ASB14: variants seen among roughly 807,000 people sequenced by gnomAD.
ASB14 encodes the protein ankyrin repeat and SOCS box containing 14.
ASB14 carries 63 observed loss-of-function variants against 55.6 expected under a neutral mutation model. That is an observed-to-expected ratio of 1.13 (90% CI 0.92 to 1.40). The LOEUF is 1.40. Ranked by LOEUF, ASB14 falls within the 40% of genes most tolerant of loss-of-function variation. ASB14 has a pLI of 0.00. For missense variants in ASB14, 724 were observed against 710.4 expected, an observed-to-expected ratio of 1.02 and a Z score of -0.22; for synonymous variants, 256 against 259.9, an observed-to-expected ratio of 0.98 and a Z score of 0.15.
chr3:57,277,972 C>A (rs1161711739), intron 8 of ASB14, 52 bp from the exon 9 acceptor site: 1 of 1,523,726 alleles, frequency 6.6e-7, no homozygotes, highest in Non-Finnish European at 9.0e-7. Flanking sequence ...CACAAAGTAT[C>A]TATGGTTTAG....
chr3:57,269,695 CT>C, intron 10 of ASB14, 77 bp from the exon 11 acceptor site: 1 of 1,613,220 alleles, frequency 6.2e-7, no homozygotes, highest in Non-Finnish European at 8.5e-7. Flanking sequence ...TAAGCTTATA[CT>C]TTTGGTAGAT....
chr3:57,278,434 T>C lies in ASB14; in HGVS notation c.1374A>G (p.Lys458=). ...ERCFDCPHGD[K]VHPSYTVEGW... ...CTTCAACAGTATAGGAAGGATGGAC[T>C]TTGTCTCCATGTGGGCAATCAAAAC... The change falls in exon 8 of 11, where the codon AAA becomes AAG. Residue 458 remains lysine (K), a synonymous_variant. Coordinates refer to ENST00000487349, the MANE Select transcript of ASB14 (RefSeq NM_001142733.3). 6.2e-7 allele frequency: 1 copy of C among 1,614,214 alleles called. No individual in the cohort carries two copies.
chr3:57,276,084 G>T (rs1176324772), intron 10 of ASB14, among the ~76,000 whole-genome samples: 2 of 152,026 alleles, frequency 1.3e-5, no homozygotes, highest in Admixed American at 6.6e-5. Flanking sequence ...CTATAAAAAA[G>T]ATACTGCAGT....
chr3:57,268,678 C>A lies in ASB14; in HGVS notation c.*963G>T. The A allele has an allele frequency of 2.3e-6, 1 of 436,472 alleles. No homozygotes were observed. Among genetic ancestry groups the A allele is most frequent in the Non-Finnish European group, 3.7e-6 (1 of 267,232 alleles). The allele number at this position is 436,472 out of a possible 1,614,324, so 27.0% of individuals were successfully genotyped here. ...TGATATGATGTTTACATTATAGTTACGTTGACATGTAATATGACTGTTTCA... is the reference window on the plus strand; with the variant it reads ...TGATATGATGTTTACATTATAGTTAAGTTGACATGTAATATGACTGTTTCA... On this transcript the variant is annotated 3_prime_UTR_variant, in exon 11 of 11. Coordinates refer to ENST00000487349, the MANE Select transcript of ASB14 (RefSeq NM_001142733.3).
At chr3:57,284,236 C>T (rs931367804) in intron 5 of ASB14, among the ~76,000 whole-genome samples, 9 of 152,012 alleles carry the variant, frequency 5.9e-5, no homozygotes, top group African/African-American at 2.2e-4. Context: ...AGTCAATCCT[C>T]CTGCCTTAGC....
In ASB14 at chr3:57,277,899, A is replaced by G; in HGVS notation, c.1453T>C (p.Ser485Pro). 6.2e-7 allele frequency: 1 copy of G among 1,612,406 alleles called. No individual in the cohort carries two copies. Among genetic ancestry groups the G allele is most frequent in the Non-Finnish European group, 8.5e-7 (1 of 1,179,512 alleles). ...TTTCCAGAGAGATGTTGCAGCCATG[A>G]CAAAGTTATTACTTCACAGAACTGA... ...DTKFCEVITL[S>P]WLQHLSGKVV... is the part of the protein sequence containing the mutation. Residue 485 changes from serine to proline, a missense_variant, in exon 9 of 11, where the codon TCA (serine) becomes CCA (proline). Physicochemically the swap from Ser to Pro is moderately conservative, Grantham distance 74 (BLOSUM62 -1). Coordinates refer to ENST00000487349, the MANE Select transcript of ASB14 (RefSeq NM_001142733.3).
chr3:57,280,749 A>G (rs1487583238), intron 6 of ASB14, among the ~76,000 whole-genome samples: 2 of 152,224 alleles, frequency 1.3e-5, no homozygotes, highest in Non-Finnish European at 2.9e-5. Context: ...TCCAGTAGAA[A>G]TACTGTTATA....
At chr3:57,274,048 A>G (rs1329043120) in intron 10 of ASB14, among the ~76,000 whole-genome samples, 6 of 152,208 alleles carry the variant, frequency 3.9e-5, no homozygotes, top group African/African-American at 1.4e-4. Flanking sequence ...GTTTGATTTA[A>G]AAAATAACTA....
chr3:57,269,679 G>C (rs1229106286), intron 10 of ASB14, 61 bp from the exon 11 acceptor site: 1 of 1,613,976 alleles, frequency 6.2e-7, no homozygotes, highest in Admixed American at 1.7e-5. Flanking sequence ...GAGAGAATCA[G>C]AAGCATAAGC....
intron 9 of ASB14, among the ~76,000 whole-genome samples, chr3:57,277,409 A>T (rs532497753): frequency 1.3e-5 from 2 of 152,298 alleles, no homozygotes; most frequent in South Asian, 4.1e-4. Flanking sequence ...GAAGAAGGTC[A>T]TTTTGATACC....
chr3:57,276,438 G>A, intron 10 of ASB14, 90 bp downstream of exon 10: 1 of 937,700 alleles, frequency 1.1e-6, no homozygotes, highest in Non-Finnish European at 1.6e-6. Context: ...AAAGGACTTA[G>A]ACTGCATTGA....
At chr3:57,289,411 G>A (rs190973871) in intron 2 of ASB14, among the ~76,000 whole-genome samples, 6 of 152,292 alleles carry the variant, frequency 3.9e-5, no homozygotes, top group Non-Finnish European at 7.4e-5. Context: ...CTTAATCAGC[G>A]TTGGCTGAAC....
intron 10 of ASB14, chr3:57,270,726 A>G (rs2060931814): frequency 6.6e-6 from 1 of 152,546 alleles, no homozygotes; most frequent in Non-Finnish European, 1.5e-5. Flanking sequence ...TCACCACTTT[A>G]TATCCACAAA....
chr3:57,274,793 A>G (rs1044014453), intron 10 of ASB14, among the ~76,000 whole-genome samples: 8 of 152,244 alleles, frequency 5.3e-5, no homozygotes, highest in Admixed American at 2.0e-4. Context: ...GCTAGGTTCA[A>G]TACAGAAACC....
At chr3:57,291,658 T>TG in intron 2 of ASB14, among the ~76,000 whole-genome samples, 1 of 152,360 alleles carries the variant, frequency 6.6e-6, no homozygotes, top group South Asian at 2.1e-4. Flanking sequence ...TTCTTTCTTC[T>TG]GATTTCCAGT....
rs182028063 is a variant in ASB14, at chr3:57,278,559, T to A, written c.1249A>T (p.Arg417Ter). The A allele has an allele frequency of 1.9e-6, 3 of 1,614,216 alleles. No homozygotes were observed. In the East Asian group the frequency reaches 6.7e-5, roughly 36 times the overall value. ...RHGANVNYFC[R>*]VNPLHFPSAL... ...GATGGGAAATGTAAAGGGTTAACTC[T>A]GCAGAAGTAATTGACATTGGCCCCA... The change falls in exon 8 of 11, where the codon AGA becomes TGA. Residue 417 changes from arginine to a stop codon, truncating the protein, a stop_gained. Coordinates refer to ENST00000487349, the MANE Select transcript of ASB14 (RefSeq NM_001142733.3). LOFTEE classifies it high-confidence loss of function.
In ASB14 at chr3:57,287,921, C is replaced by T. The variant is rs2061092951; in HGVS notation, c.449G>A (p.Gly150Asp). ...GCNPNAKNFE[G>D]NSPLLAAVLR... ...TTTACCTGCAAGAAGAGGAGAATTG[C>T]CTTCGAAATTCTTAGCATTTGGATT... The change falls in exon 5 of 11, where the codon GGC becomes GAC. Residue 150 changes from glycine to aspartate, a missense_variant. Transcript: ENST00000487349. 6.5e-7 allele frequency: 1 copy of T among 1,537,192 alleles called. No homozygotes were observed. Among genetic ancestry groups the T allele is most frequent in the Non-Finnish European group, 8.7e-7 (1 of 1,146,876 alleles).
intron 10 of ASB14, chr3:57,271,715 T>TAAGA (rs1467760303): frequency 6.6e-6 from 1 of 152,206 alleles, no homozygotes; most frequent in Non-Finnish European, 1.5e-5. Context: ...AGGCTAGAGT[T>TAAGA]AAGGCACTGG....
rs1316539313 is a variant in ASB14, at chr3:57,288,273, T to A, written c.192A>T (p.Ala64=). The A allele has an allele frequency of 1.3e-6, 2 of 1,537,224 alleles. No individual in the cohort carries two copies. Among genetic ancestry groups the A allele is most frequent in the South Asian group, 1.2e-5 (1 of 84,050 alleles). The change falls in exon 4 of 11, where the codon GCA becomes GCT. Residue 64 remains alanine (A), a synonymous_variant. Coordinates refer to ENST00000487349, the MANE Select transcript of ASB14 (RefSeq NM_001142733.3). ...VETIEKGKED[A]LSHLTKYHSA... ...AATGGTACTTGGTTAAGTGTGACAA[T>A]GCATCTTCCTTACCTATTAACGAGT...
Sources: allele counts gnomAD v4.1 joint callset (sites outside exome capture counted in the v4.1 genomes callset), GRCh38; gene constraint gnomAD v4.1.1; transcripts MANE v1.5; gene names NCBI Gene and HGNC (gene_info 2026-07-23, HGNC 2026-07-21).